The following ZNF574 variants were observed in gnomAD, a reference collection of about 807,000 sequenced individuals.
ZNF574 encodes the protein zinc finger protein 574.
Under a neutral mutation model 56.6 loss-of-function variants are expected in ZNF574, and 25 were observed. That is an observed-to-expected ratio of 0.44 (90% CI 0.32 to 0.62). ZNF574 has a LOEUF of 0.62. Ranked by LOEUF, ZNF574 falls within the 20% of genes least tolerant of loss-of-function variation. The pLI is 0.04. For synonymous variants in ZNF574, 543 were observed against 492.1 expected, an observed-to-expected ratio of 1.10 and a Z score of -1.37; for missense variants, 1,065 against 1,218.9, an observed-to-expected ratio of 0.87 and a Z score of 1.88.
upstream of ZNF574, among the ~76,000 whole-genome samples, chr19:42,072,652 C>T (rs535329935): frequency 2.6e-5 from 4 of 151,592 alleles, no homozygotes; most frequent in East Asian, 1.9e-4. Context: ...CTGCAACCTC[C>T]GCCTCCGGGG....
rs2076381158 is a variant in ZNF574 at position 42,068,883 on chromosome 19, A to G, written c.172A>G (p.Arg58Gly). 4 of 685,432 alleles carry G rather than the reference A, an allele frequency of 5.8e-6. No individual in the cohort carries two copies. In the East Asian group the frequency reaches 8.4e-5, roughly 14 times the overall value. 42.5% of individuals were successfully genotyped at this position (685,432 alleles called of 1,614,324 possible). The change falls in exon 1 of 2, where the codon AGA becomes GGA. Residue 58 changes from arginine to glycine, a missense_variant. By Grantham distance (125) the Arg-to-Gly change is moderately radical. Coordinates refer to the ZNF574 transcript ENST00000222339. ...CCACCGCAGGCAGAGGATGAGGCTC[A>G]GAGGAACAGAAAGAGCCAGTCTGGG...
chr19:42,079,608 C>T lies in ZNF574; in HGVS notation c.1002C>T (p.Gly334=), dbSNP rs748329534. The T allele has an allele frequency of 1.6e-5, 26 of 1,614,056 alleles. No individual in the cohort carries two copies. The highest frequency in any genetic ancestry group is 5.0e-5 in the Admixed American group (3 of 60,010). ...AGCACCTGCGGAGTCACCGGGAGGG[C>T]GTCTTTAAGTGCCCCCTGTGCAGTC... The part of the protein sequence containing the change: ...LQQHLRSHRE[G]VFKCPLCSRV... Residue 334 remains glycine (G), a synonymous_variant, in exon 2 of 2, where the codon GGC becomes GGT. Coordinates refer to ENST00000359044, the MANE Select transcript of ZNF574 (RefSeq NM_022752.6). This position sits in a 1 kb window ranked among gnomAD's most constrained non-coding sequence, Gnocchi z 4.3.
At chr19:42,073,306 T>C (rs1030734182), upstream of ZNF574, among the ~76,000 whole-genome samples, 1 of 152,202 alleles carries the variant, frequency 6.6e-6, no homozygotes, top group Non-Finnish European at 1.5e-5. Flanking sequence ...GAGTAATGCA[T>C]GTAAGCATTG....
rs778371184 is a variant in ZNF574 at position 42,080,146 on chromosome 19, C to T, written c.1540C>T (p.Leu514=). Residue 514 remains leucine (L), a synonymous_variant, in exon 2 of 2, where the codon CTG becomes TTG. Transcript: ENST00000359044. The surrounding 1 kb of genome is among the most constrained non-coding windows in gnomAD (Gnocchi z 8.5). ...GAAGAAGTCTCACGTGCGTAACCAC[C>T]TGCGCACACACACAGGGGAGCGGCC... ...FKKKSHVRNH[L]RTHTGERPFP... The T allele has an allele frequency of 2.6e-5, 42 of 1,613,992 alleles. 1 individual carries two copies. In the South Asian group the frequency reaches 4.2e-4, roughly 16 times the overall value.
chr19:42,069,070 G>A (rs985731227), intron 1 of ZNF574: 3 of 455,702 alleles, frequency 6.6e-6, no homozygotes, highest in African/African-American at 2.0e-5. Context: ...AGAAGAGGTC[G>A]AGGTGAATGG....
At position 42,078,575 on chromosome 19, in the gene ZNF574, C is replaced by T; in HGVS notation, c.-20-12C>T. ...GACCTAACTGGTTTGTCCCCACTGT[C>T]TCCTCTTCCAGCCCAGGGCCTTGCT... On this transcript the variant is annotated splice_polypyrimidine_tract_variant and intron_variant, in intron 1 of 1. Transcript: ENST00000359044. The T allele has an allele frequency of 6.3e-7, 1 of 1,593,846 alleles. No homozygotes were observed. Among genetic ancestry groups the T allele is most frequent in the Non-Finnish European group, 8.6e-7 (1 of 1,167,062 alleles).
intron 1 of ZNF574, chr19:42,068,965 A>T (rs1373729255): frequency 1.7e-6 from 1 of 596,998 alleles, no homozygotes; most frequent in Non-Finnish European, 3.0e-6. Flanking sequence ...GCCCGGGGTA[A>T]GTGAGAGCCC....
upstream of ZNF574, among the ~76,000 whole-genome samples, chr19:42,073,683 G>C (rs2076439439): frequency 6.6e-6 from 1 of 151,730 alleles, no homozygotes; most frequent in Non-Finnish European, 1.5e-5. Context: ...AATTAGCAGG[G>C]CATGGCGGTG....
At chr19:42,068,977 A>G (rs1282589744) in intron 1 of ZNF574, 9 of 574,646 alleles carry the variant, frequency 1.6e-5, no homozygotes, top group South Asian at 4.1e-5. Context: ...TGAGAGCCCA[A>G]GTAAGAGCAA....
chr19:42,079,219 G>T lies in ZNF574; in HGVS notation c.613G>T (p.Val205Leu). The T allele has an allele frequency of 6.2e-7, 1 of 1,613,994 alleles. No individual in the cohort carries two copies. ...ATCTGCCGCTGCCACCACCACTGAGGTAGTGACTGAGGTGGAGCTGCTCCT... is the reference window on the plus strand; with the variant it reads ...ATCTGCCGCTGCCACCACCACTGAGTTAGTGACTGAGGTGGAGCTGCTCCT... The part of the protein sequence containing the change: ...VPSAAATTTE[V>L]VTEVELLLYK... The change falls in exon 2 of 2, where the codon GTA (valine) becomes TTA (leucine). Residue 205 changes from valine (V) to leucine (L), a missense_variant. Coordinates refer to ENST00000359044, the MANE Select transcript of ZNF574 (RefSeq NM_022752.6). The surrounding 1 kb of genome is among the most constrained non-coding windows in gnomAD (Gnocchi z 4.3).
At chr19:42,072,851 C>T (rs1041854013), upstream of ZNF574, among the ~76,000 whole-genome samples, 14 of 152,170 alleles carry the variant, frequency 9.2e-5, no homozygotes, top group Non-Finnish European at 1.9e-4. Flanking sequence ...CAGGTGTGAC[C>T]CACCGCACCC....
Position 42,079,555 on chromosome 19 carries a change from C to T in ZNF574, c.949C>T (p.Leu317Phe), listed in dbSNP as rs752354098. The T allele has an allele frequency of 1.2e-6, 2 of 1,614,112 alleles. No individual in the cohort carries two copies. The highest frequency in any genetic ancestry group is 1.7e-5 in the Admixed American group (1 of 60,036). ...GCTCTTCTGCTCAGCCTGTGACCAGCTCTTTCTCTCACCCCACCAGCTACA... is the reference window on the plus strand; with the variant it reads ...GCTCTTCTGCTCAGCCTGTGACCAGTTCTTTCTCTCACCCCACCAGCTACA... The part of the protein sequence containing the change: ...QELFCSACDQ[L>F]FLSPHQLQQH... Residue 317 changes from leucine (L) to phenylalanine (F), a missense_variant, in exon 2 of 2, where the codon CTC becomes TTC. Physicochemically the swap from Leu to Phe is conservative, Grantham distance 22. Transcript: ENST00000359044. The surrounding 1 kb of genome is among the most constrained non-coding windows in gnomAD (Gnocchi z 4.3).
At position 42,081,115 on chromosome 19, in the gene ZNF574, C is replaced by T. The variant is rs2076497686; in HGVS notation, c.2509C>T (p.Leu837Phe). The T allele has an allele frequency of 1.2e-6, 2 of 1,614,066 alleles. No homozygotes were observed. Among genetic ancestry groups the T allele is most frequent in the Admixed American group, 1.7e-5 (1 of 60,014 alleles). The change falls in exon 2 of 2, where the codon CTC (leucine) becomes TTC (phenylalanine). Residue 837 changes from leucine (L) to phenylalanine (F), a missense_variant. Physicochemically the swap from Leu to Phe is conservative, Grantham distance 22. Coordinates refer to ENST00000359044, the MANE Select transcript of ZNF574 (RefSeq NM_022752.6). ...CGKSYRSFSN[L>F]WKHRKTHQQQ... ...CAAGAGCTACCGCTCCTTCTCCAAC[C>T]TCTGGAAGCACCGCAAGACCCATCA...
intron 1 of ZNF574, among the ~76,000 whole-genome samples, chr19:42,077,091 C>T (rs947934429): frequency 1.3e-5 from 2 of 151,772 alleles, no homozygotes; most frequent in African/African-American, 4.8e-5. Flanking sequence ...GATCTGTGTG[C>T]TAAAGTGAGG....
At chr19:42,078,165 G>A (rs551863896) in intron 1 of ZNF574, among the ~76,000 whole-genome samples, 1 of 152,164 alleles carries the variant, frequency 6.6e-6, no homozygotes, top group African/African-American at 2.4e-5. Flanking sequence ...GCCTATATGG[G>A]GTTTCAGTTG....
rs2076489697 is a variant in ZNF574 at position 42,080,364 on chromosome 19, G to A, written c.1758G>A (p.Val586=). Residue 586 remains valine, a synonymous_variant, in exon 2 of 2, where the codon GTG becomes GTA. Coordinates refer to ENST00000359044, the MANE Select transcript of ZNF574 (RefSeq NM_022752.6). This position sits in a 1 kb window ranked among gnomAD's most constrained non-coding sequence, Gnocchi z 8.5. ...CCTACCGCTGCCAGGAATGTGGGGT[G>A]CGTTTTCACCGTCCTTACCGCCTGC... ...HFPYRCQECG[V]RFHRPYRLLM... is the part of the protein sequence containing the mutation. 6.2e-7 allele frequency: 1 copy of A among 1,614,108 alleles called. No individual in the cohort carries two copies. Among genetic ancestry groups the A allele is most frequent in the Non-Finnish European group, 8.5e-7 (1 of 1,180,046 alleles).
upstream of ZNF574, among the ~76,000 whole-genome samples, chr19:42,075,521 C>A (rs946319753): frequency 6.6e-6 from 1 of 152,214 alleles, no homozygotes; most frequent in African/African-American, 2.4e-5. Flanking sequence ...TCCCCTCGGT[C>A]TTTTCTCTGT....
In ZNF574 at chr19:42,080,848, A is replaced by T. The variant is rs1462751706; in HGVS notation, c.2242A>T (p.Ser748Cys). The T allele has an allele frequency of 6.2e-7, 1 of 1,614,138 alleles. No individual in the cohort carries two copies. The highest frequency in any genetic ancestry group is 1.7e-5 in the Admixed American group (1 of 60,032). The change falls in exon 2 of 2, where the codon AGC (serine) becomes TGC (cysteine). Residue 748 changes from serine to cysteine, a missense_variant. Physicochemically the swap from Ser to Cys is moderately radical, Grantham distance 112. Coordinates refer to ENST00000359044, the MANE Select transcript of ZNF574 (RefSeq NM_022752.6). The surrounding 1 kb of genome is among the most constrained non-coding windows in gnomAD (Gnocchi z 8.5). ...LECSECKKLF[S>C]TETSLQVHRR... is the part of the protein sequence containing the mutation. ...GTGCAGCGAGTGCAAGAAGCTGTTC[A>T]GCACAGAGACGTCACTGCAGGTGCA... is the stretch of plus-strand genomic sequence containing the variant.
At chr19:42,076,745 C>T (rs1599874772) in intron 1 of ZNF574, among the ~76,000 whole-genome samples, 1 of 152,078 alleles carries the variant, frequency 6.6e-6, no homozygotes. Context: ...TCTAGTTCTT[C>T]CTGGAAAGAA....
Sources: allele counts gnomAD v4.1 joint callset (sites outside exome capture counted in the v4.1 genomes callset), GRCh38; gene constraint gnomAD v4.1.1; non-coding constraint Gnocchi (gnomAD v3.1); transcripts MANE v1.5; gene names NCBI Gene and HGNC (gene_info 2026-07-23, HGNC 2026-07-21).